Variants in KPNA1 observed in about 807,000 individuals in gnomAD.
KPNA1 encodes importin subunit alpha-5.
Under a neutral mutation model 70.5 loss-of-function variants are expected in KPNA1, and 10 were observed. The ratio of observed to expected loss-of-function variants is 0.14; its 90% CI spans 0.09 to 0.24. The LOEUF is 0.24. Ranked by LOEUF, KPNA1 falls within the 10% of genes least tolerant of loss-of-function variation. The pLI, the probability that KPNA1 is intolerant of heterozygous loss-of-function variation, is 1.00. For synonymous variants in KPNA1, 192 were observed against 221.9 expected (o/e 0.87, Z 1.20); for missense variants, 397 against 637.9 (o/e 0.62, Z 4.07).
At chr3:122,506,364 A>C (rs2076890296) in intron 1 of KPNA1, among the ~76,000 whole-genome samples, 1 of 152,256 alleles carries the variant, frequency 6.6e-6, no homozygotes, top group African/African-American at 2.4e-5. Flanking sequence ...AATTTAAATA[A>C]GTGGAGTATA....
Position 122,451,642 on chromosome 3 carries a change from A to T in KPNA1, c.654-9T>A. The T allele has an allele frequency of 6.4e-7, 1 of 1,564,488 alleles. No homozygotes were observed. Among genetic ancestry groups the T allele is most frequent in the Non-Finnish European group, 8.8e-7 (1 of 1,135,196 alleles). ...TTTGCTTTGAAAATAACCTAAAAGC[A>T]CGATGGTACAATGGTAAACTATGTA... On this transcript the variant is annotated splice_polypyrimidine_tract_variant and intron_variant, in intron 7 of 13. Coordinates refer to ENST00000344337, the MANE Select transcript of KPNA1 (RefSeq NM_002264.4).
At chr3:122,493,347 G>C (rs2076721046) in intron 2 of KPNA1, among the ~76,000 whole-genome samples, 1 of 133,806 alleles carries the variant, frequency 7.5e-6, no homozygotes, top group Admixed American at 7.5e-5. Context: ...AATGATAAAA[G>C]GGACAAGAAA....
At chr3:122,428,850 G>A (rs778738032) in intron 12 of KPNA1, among the ~76,000 whole-genome samples, 4 of 152,086 alleles carry the variant, frequency 2.6e-5, no homozygotes, top group Non-Finnish European at 4.4e-5. Context: ...AACAAACAGT[G>A]GGGATACTTC....
At chr3:122,472,266 A>T (rs1042553352) in intron 2 of KPNA1, among the ~76,000 whole-genome samples, 5 of 152,208 alleles carry the variant, frequency 3.3e-5, no homozygotes, top group Non-Finnish European at 7.3e-5. Flanking sequence ...TTAAATTACA[A>T]ATCAATAACA....
chr3:122,431,816 T>G (rs1409674681), intron 12 of KPNA1, among the ~76,000 whole-genome samples: 1 of 151,746 alleles, frequency 6.6e-6, no homozygotes, highest in Non-Finnish European at 1.5e-5. Flanking sequence ...TTTTTTTTTT[T>G]TTGTTGAAAT....
intron 12 of KPNA1, chr3:122,432,804 G>T (rs960284179): frequency 1.3e-5 from 2 of 152,176 alleles, no homozygotes; most frequent in Non-Finnish European, 2.9e-5. Flanking sequence ...CTGCTCGTCG[G>T]GCATGATGGC....
intron 1 of KPNA1, among the ~76,000 whole-genome samples, chr3:122,498,954 T>C (rs1457341462): frequency 1.3e-5 from 2 of 152,244 alleles, no homozygotes; most frequent in African/African-American, 4.8e-5. Context: ...TTTATACTTT[T>C]GTTAAATTCA....
chr3:122,504,976 GAC>G (rs1414010324), intron 1 of KPNA1, among the ~76,000 whole-genome samples: 1 of 151,772 alleles, frequency 6.6e-6, no homozygotes, highest in Non-Finnish European at 1.5e-5. Context: ...GTCTGAAGCA[GAC>G]AGACACCTCT....
intron 10 of KPNA1, among the ~76,000 whole-genome samples, chr3:122,441,775 A>C (rs1215872641): frequency 6.6e-6 from 1 of 151,840 alleles, no homozygotes; most frequent in Non-Finnish European, 1.5e-5. Flanking sequence ...AATTTTTTGT[A>C]TTTTTAGTAG....
At position 122,433,611 on chromosome 3, in the gene KPNA1, CAAT is replaced by C. The variant is rs764011832; in HGVS notation, c.1250+47_1250+49del. 5.3e-6 allele frequency: 8 copies of C among 1,496,790 alleles called. 1 individual carries two copies. The highest frequency in any genetic ancestry group is 2.6e-5 in the South Asian group (2 of 77,034). 92.7% of individuals were successfully genotyped at this position (1,496,790 alleles called of 1,614,324 possible). On this transcript the variant is annotated intron_variant, in intron 12 of 13. Coordinates refer to ENST00000344337, the MANE Select transcript of KPNA1 (RefSeq NM_002264.4). ...GTGGGAGGTTATAAAGTGATAGACA[CAAT>C]AATAATTTTTCTTTAACTTACAATA...
intron 2 of KPNA1, among the ~76,000 whole-genome samples, chr3:122,494,393 T>C (rs1253912314): frequency 6.6e-6 from 1 of 152,236 alleles, no homozygotes; most frequent in Non-Finnish European, 1.5e-5. Flanking sequence ...TAGGGTATCC[T>C]TTCCCCAGTA....
intron 2 of KPNA1, among the ~76,000 whole-genome samples, chr3:122,492,747 T>G (rs1254307214): frequency 6.6e-6 from 1 of 152,184 alleles, no homozygotes; most frequent in Non-Finnish European, 1.5e-5. Flanking sequence ...GCCTCAAAGC[T>G]CCACAGAACA....
At chr3:122,474,047 C>G (rs1335163053) in intron 2 of KPNA1, among the ~76,000 whole-genome samples, 1 of 152,078 alleles carries the variant, frequency 6.6e-6, no homozygotes, top group Non-Finnish European at 1.5e-5. Flanking sequence ...CAACTGCTTT[C>G]CTATACACCA....
At chr3:122,446,511 A>T (rs1241862042) in intron 9 of KPNA1, among the ~76,000 whole-genome samples, 4 of 152,264 alleles carry the variant, frequency 2.6e-5, no homozygotes, top group Non-Finnish European at 5.9e-5. Flanking sequence ...TCTCTGGGAC[A>T]CATTTAAAGC....
intron 8 of KPNA1, among the ~76,000 whole-genome samples, chr3:122,450,307 C>T (rs112148348): frequency 2.8e-3 from 421 of 152,220 alleles, no homozygotes; most frequent in African/African-American, 4.0e-3. Flanking sequence ...TGCAGCTGGG[C>T]GTGGTGGCTC....
At chr3:122,476,094 T>C (rs1057431550) in intron 2 of KPNA1, among the ~76,000 whole-genome samples, 1 of 152,090 alleles carries the variant, frequency 6.6e-6, no homozygotes, top group Non-Finnish European at 1.5e-5. Flanking sequence ...AACGAACACA[T>C]AAAGCAATGG....
chr3:122,511,790 T>G (rs2076957537), intron 1 of KPNA1, among the ~76,000 whole-genome samples: 1 of 148,048 alleles, frequency 6.8e-6, no homozygotes, highest in Non-Finnish European at 1.5e-5. Flanking sequence ...GTCAGTCATC[T>G]TTACTTGCAA....
rs200427045 is a variant in KPNA1 at position 122,461,367 on chromosome 3, C to T, written c.338-49G>A. 8 of 1,301,354 alleles carry T rather than the reference C, an allele frequency of 6.1e-6. No individual in the cohort carries two copies. The Admixed American group carries it at 1.3e-4, about 21-fold the overall frequency. 80.6% of individuals were successfully genotyped at this position (1,301,354 alleles called of 1,614,324 possible). ...AAAAAAAAATCCTTTGATTTCAATG[C>T]AAGAACTTAACAGCTCAAAACTTCT... is the stretch of plus-strand genomic sequence containing the variant. On this transcript the variant is annotated intron_variant, in intron 4 of 13. Transcript: ENST00000344337.
At chr3:122,445,961 A>G (rs1382709128) in intron 9 of KPNA1, among the ~76,000 whole-genome samples, 3 of 152,244 alleles carry the variant, frequency 2.0e-5, no homozygotes, top group Admixed American at 2.0e-4. Flanking sequence ...CAATTCAACA[A>G]GAAGAGCTAA....
Sources: allele counts gnomAD v4.1 joint callset (sites outside exome capture counted in the v4.1 genomes callset), GRCh38; gene constraint gnomAD v4.1.1; transcripts MANE v1.5; gene names NCBI Gene and HGNC (gene_info 2026-07-23, HGNC 2026-07-21).